EPC2: variants seen among roughly 807,000 people sequenced by gnomAD.
EPC2 encodes the protein enhancer of polycomb 2, also known as enhancer of polycomb homolog 2.
EPC2 carries 14 observed loss-of-function variants against 92.1 expected under a neutral mutation model. The observed-to-expected ratio is 0.15, with a 90% CI of 0.10 to 0.24. The LOEUF is 0.24. EPC2 is among the 10% of genes least tolerant of loss of function. EPC2 has a pLI of 1.00. For missense variants in EPC2, 755 were observed against 971.5 expected (o/e 0.78, Z 2.96); for synonymous variants, 340 against 334.7 (o/e 1.02, Z -0.17).
At chr2:148,681,945 C>G (rs1333030146) in intron 1 of EPC2, among the ~76,000 whole-genome samples, 1 of 152,102 alleles carries the variant, frequency 6.6e-6, no homozygotes, top group Non-Finnish European at 1.5e-5. Context: ...TTATTCAGTT[C>G]CCACCTATGA....
At chr2:148,667,663 A>G (rs1558802956) in intron 1 of EPC2, among the ~76,000 whole-genome samples, 1 of 152,144 alleles carries the variant, frequency 6.6e-6, no homozygotes, top group Non-Finnish European at 1.5e-5. Context: ...TGATGATTAC[A>G]CTGACTAGAA....
intron 2 of EPC2, among the ~76,000 whole-genome samples, chr2:148,699,795 G>A (rs1409251412): frequency 6.6e-6 from 1 of 152,126 alleles, no homozygotes; most frequent in Non-Finnish European, 1.5e-5. Flanking sequence ...AGTTTTATAA[G>A]AAGCTGCCAA....
chr2:148,726,013 A>G (rs565391953), intron 2 of EPC2, among the ~76,000 whole-genome samples: 1 of 152,208 alleles, frequency 6.6e-6, no homozygotes, highest in Admixed American at 6.5e-5. Flanking sequence ...TTTGTTTTTA[A>G]GAATTTGACT....
chr2:148,766,943 G>A (rs1302751100), intron 7 of EPC2, among the ~76,000 whole-genome samples: 1 of 152,070 alleles, frequency 6.6e-6, no homozygotes, highest in Non-Finnish European at 1.5e-5. Context: ...CAGCACTTTG[G>A]GAAGCCGAAG....
Position 148,741,798 on chromosome 2 carries a change from A to T in EPC2, c.314-1824A>T, listed in dbSNP as rs1682884506. On this transcript the variant is annotated intron_variant, in intron 2 of 13. Transcript: ENST00000258484. ...TATACATGTACATGCTTAAAATGTC[A>T]AACAATACAAATGGGAACAAAGAAA... 2.0e-5 allele frequency among the ~76,000 whole-genome samples: 3 copies of T among 152,306 alleles called. No homozygotes were observed. In the South Asian group the frequency reaches 6.2e-4, roughly 32 times the overall value.
chr2:148,754,080 A>C lies in EPC2; in HGVS notation c.613A>C (p.Asn205His), dbSNP rs891898414. Residue 205 changes from asparagine (N) to histidine (H), a missense_variant, in exon 4 of 14, where the codon AAT becomes CAT. Physicochemically the swap from Asn to His is moderately conservative, Grantham distance 68 (BLOSUM62 1). Around this residue, in one of 4 missense-constraint regions of EPC2, gnomAD observed 509 missense variants for 607.7 expected, o/e 0.84. Transcript: ENST00000258484. Reference protein sequence around the residue: ...KQEKRDGSTNNDPYVAFRRRT... With the variant: ...KQEKRDGSTNHDPYVAFRRRT... Reference sequence around the variant, plus strand: ...AGAGAAAAGAGATGGCTCTACCAACAATGACCCTTATGTTGCCTTTCGGAG... The same window carrying C: ...AGAGAAAAGAGATGGCTCTACCAACCATGACCCTTATGTTGCCTTTCGGAG... 2 of 1,610,842 alleles carry C rather than the reference A, an allele frequency of 1.2e-6. No homozygotes were observed. The highest frequency in any genetic ancestry group is 1.7e-5 in the Admixed American group (1 of 59,506).
rs1433365547 is a variant in EPC2, at chr2:148,753,938, T to C, written c.471T>C (p.Leu157=). ...EKASSNQLVT[L]QEAKLLLNED... is the part of the protein sequence containing the mutation. ...TATTTTTCATTTAGCTTGTAACACT[T>C]CAAGAAGCAAAACTGCTGCTAAACG... Residue 157 remains leucine (L), a synonymous_variant, in exon 4 of 14, where the codon CTT becomes CTC. Transcript: ENST00000258484. The C allele has an allele frequency of 6.2e-7, 1 of 1,609,722 alleles. No individual in the cohort carries two copies. Among genetic ancestry groups the C allele is most frequent in the East Asian group, 2.2e-5 (1 of 44,824 alleles).
Position 148,699,878 on chromosome 2 carries a change from C to G in EPC2, c.313+9505C>G, listed in dbSNP as rs1042596442. Reference sequence around the variant, plus strand: ...AATGAAAGTTTCTATTGCCCCGCATCCTTATCATCGTTTGGTTTTGGGTCA... The same window carrying G: ...AATGAAAGTTTCTATTGCCCCGCATGCTTATCATCGTTTGGTTTTGGGTCA... On this transcript the variant is annotated intron_variant, in intron 2 of 13. Coordinates refer to ENST00000258484, the MANE Select transcript of EPC2 (RefSeq NM_015630.4). Among the ~76,000 whole-genome samples the G allele has an allele frequency of 5.9e-5, 9 of 152,186 alleles. No individual in the cohort carries two copies. The East Asian group carries it at 1.7e-3, about 29-fold the overall frequency.
intron 3 of EPC2, among the ~76,000 whole-genome samples, chr2:148,747,656 A>T (rs1683011414): frequency 6.6e-6 from 1 of 152,116 alleles, no homozygotes; most frequent in Admixed American, 6.6e-5. Context: ...CCTAATTGTC[A>T]TCAGGACCTC....
At chr2:148,771,903 AT>A (rs1463292398) in intron 10 of EPC2, among the ~76,000 whole-genome samples, 2 of 151,750 alleles carry the variant, frequency 1.3e-5, no homozygotes, top group African/African-American at 4.8e-5. Context: ...GGTTCAAGCG[AT>A]TCTCCTGTCT....
At chr2:148,762,039 A>G (rs922759994) in intron 5 of EPC2, 109 bp downstream of exon 5, 35 of 824,772 alleles carry the variant, frequency 4.2e-5, no homozygotes, top group Non-Finnish European at 6.2e-5. Context: ...GACAGTTGAT[A>G]TTGATTCTGT....
chr2:148,648,688 T>G (rs1326457099), intron 1 of EPC2, among the ~76,000 whole-genome samples: 1 of 152,190 alleles, frequency 6.6e-6, no homozygotes, highest in Non-Finnish European at 1.5e-5. Context: ...CTCTTCTGTG[T>G]AGCTATTGGA....
chr2:148,732,131 G>A (rs1427326022), intron 2 of EPC2, among the ~76,000 whole-genome samples: 5 of 152,306 alleles, frequency 3.3e-5, no homozygotes, highest in East Asian at 3.9e-4. Context: ...AGGGGAGCTA[G>A]AATCAGGAAA....
intron 2 of EPC2, among the ~76,000 whole-genome samples, chr2:148,719,543 T>C (rs1477044745): frequency 1.3e-5 from 2 of 152,034 alleles, no homozygotes; most frequent in African/African-American, 2.4e-5. Context: ...TGGTTCTTCC[T>C]GTACCTGGAG....
At chr2:148,679,677 G>A (rs1681353760) in intron 1 of EPC2, among the ~76,000 whole-genome samples, 1 of 152,090 alleles carries the variant, frequency 6.6e-6, no homozygotes, top group Admixed American at 6.5e-5. Flanking sequence ...AGAGGGTCTT[G>A]CTCTATCTCC....
At chr2:148,759,529 T>A (rs1683260220) in intron 4 of EPC2, among the ~76,000 whole-genome samples, 1 of 152,204 alleles carries the variant, frequency 6.6e-6, no homozygotes, top group African/African-American at 2.4e-5. Context: ...AGAAATTAAG[T>A]AATAGGATTA....
At chr2:148,670,489 A>G (rs1306704348) in intron 1 of EPC2, among the ~76,000 whole-genome samples, 1 of 152,154 alleles carries the variant, frequency 6.6e-6, no homozygotes, top group Non-Finnish European at 1.5e-5. Flanking sequence ...TATCAGCCCC[A>G]AAAGAAACCT....
chr2:148,716,560 A>C (rs1045968201), intron 2 of EPC2, among the ~76,000 whole-genome samples: 1 of 152,134 alleles, frequency 6.6e-6, no homozygotes, highest in Admixed American at 6.5e-5. Flanking sequence ...TAATTTGCAT[A>C]TGTTTAACCA....
chr2:148,650,876 A>C (rs1680668714), intron 1 of EPC2, among the ~76,000 whole-genome samples: 1 of 152,188 alleles, frequency 6.6e-6, no homozygotes, highest in Non-Finnish European at 1.5e-5. Context: ...TTGGGAAACT[A>C]AAGTGTTCTG....
Sources: gnomAD v4.1 joint callset for allele counts (sites outside exome capture counted in the v4.1 genomes callset) on GRCh38, gnomAD v4.1.1 for gene constraint, gnomAD v4.1.1 regional missense constraint, MANE v1.5 for transcripts, NCBI Gene and HGNC (gene_info 2026-07-23, HGNC 2026-07-21) for gene names.